Variants in ADCY2 observed in about 807,000 individuals in gnomAD.
ADCY2 encodes the protein adenylate cyclase 2, also known as adenylate cyclase type 2.
A neutral mutation model predicts 125.2 loss-of-function variants in ADCY2; 31 were observed. The observed-to-expected ratio is 0.25, with a 90% confidence interval of 0.19 to 0.33. ADCY2 has a LOEUF of 0.33. Ranked by LOEUF, ADCY2 falls within the 10% of genes least tolerant of loss-of-function variation. The pLI, the probability that ADCY2 is intolerant of heterozygous loss-of-function variation, is 1.00. For missense variants in ADCY2, 904 were observed against 1,418.2 expected (o/e 0.64, Z 5.82); for synonymous variants, 512 against 548.4 (o/e 0.93, Z 0.93).
intron 14 of ADCY2, among the ~76,000 whole-genome samples, chr5:7,737,453 T>G (rs1229600080): frequency 1.3e-5 from 2 of 152,172 alleles, no homozygotes; most frequent in African/African-American, 4.8e-5. Context: ...TGCAGGCCAT[T>G]CAGAAAATGG....
chr5:7,794,880 G>A (rs1333200048), intron 20 of ADCY2: 3 of 152,030 alleles, frequency 2.0e-5, no homozygotes, highest in African/African-American at 2.4e-5. Context: ...CTATCATCAA[G>A]GTTTCTGTCC....
intron 4 of ADCY2, among the ~76,000 whole-genome samples, chr5:7,653,551 T>C (rs920611219): frequency 6.6e-6 from 1 of 151,316 alleles, no homozygotes; most frequent in Non-Finnish European, 1.5e-5. Flanking sequence ...GAGCTTGTAG[T>C]GAGTGAGATC....
intron 15 of ADCY2, among the ~76,000 whole-genome samples, chr5:7,745,908 G>GA (rs544006081): frequency 5.0e-4 from 76 of 152,166 alleles, no homozygotes; most frequent in Non-Finnish European, 9.4e-4. Context: ...GCTGGGGGCA[G>GA]AAAAAAATAT....
chr5:7,558,754 G>T (rs1047021206), intron 3 of ADCY2, among the ~76,000 whole-genome samples: 1 of 152,096 alleles, frequency 6.6e-6, no homozygotes, highest in African/African-American at 2.4e-5. Flanking sequence ...TGAAATATTT[G>T]CCAGTTTCTA....
chr5:7,618,419 T>C (rs2126650802), intron 3 of ADCY2, among the ~76,000 whole-genome samples: 1 of 152,292 alleles, frequency 6.6e-6, no homozygotes, highest in African/African-American at 2.4e-5. Flanking sequence ...CTTCTCCTTG[T>C]ACCCACAAAA....
At chr5:7,536,330 A>AT in intron 3 of ADCY2, among the ~76,000 whole-genome samples, 1 of 151,700 alleles carries the variant, frequency 6.6e-6, no homozygotes, top group African/African-American at 2.4e-5. Context: ...TTTGGCCATT[A>AT]CAGTACTGGA....
rs1219855177 is a variant in ADCY2, at chr5:7,622,001, C to A, written c.571-4166C>A. ...TAAATAATTTATTTTCCTCCTAAGA[C>A]ATCTCTGGAGGCCAAGTTCCTCTCC... On this transcript the variant is annotated intron_variant, in intron 3 of 24. Coordinates refer to ENST00000338316, the MANE Select transcript of ADCY2 (RefSeq NM_020546.3). 2.0e-5 allele frequency among the ~76,000 whole-genome samples: 3 copies of A among 152,172 alleles called. No individual in the cohort carries two copies. In the East Asian group the frequency reaches 5.8e-4, roughly 29 times the overall value.
chr5:7,486,190 G>C (rs1027596165), intron 2 of ADCY2, among the ~76,000 whole-genome samples: 1 of 152,136 alleles, frequency 6.6e-6, no homozygotes. Context: ...CTTCATTATA[G>C]TGCTGTTGCA....
intron 4 of ADCY2, among the ~76,000 whole-genome samples, chr5:7,684,775 CTTT>C (rs10662818): frequency 5.0e-4 from 71 of 141,434 alleles, no homozygotes; most frequent in Admixed American, 8.4e-4. Flanking sequence ...TCTGTTGTGC[CTTT>C]TTTTTTTTTT....
intron 2 of ADCY2, among the ~76,000 whole-genome samples, chr5:7,458,172 A>G (rs1425005898): frequency 6.6e-6 from 1 of 152,206 alleles, no homozygotes; most frequent in African/African-American, 2.4e-5. Flanking sequence ...TGCTTACATT[A>G]TGACAGCATG....
At chr5:7,812,853 T>G (rs1368668513) in intron 22 of ADCY2, among the ~76,000 whole-genome samples, 1 of 152,028 alleles carries the variant, frequency 6.6e-6, no homozygotes, top group Non-Finnish European at 1.5e-5. Context: ...GAGGTTGCAG[T>G]GAGCCAAGAT....
At chr5:7,667,900 T>C (rs150517986) in intron 4 of ADCY2, among the ~76,000 whole-genome samples, 163 of 152,314 alleles carry the variant, frequency 1.1e-3, no homozygotes, top group African/African-American at 3.8e-3. Flanking sequence ...GTGTGACTTC[T>C]GTAGAACAAG....
intron 16 of ADCY2, among the ~76,000 whole-genome samples, chr5:7,763,266 ATTT>A (rs1236009707): frequency 1.3e-5 from 2 of 150,012 alleles, no homozygotes; most frequent in Admixed American, 6.6e-5. Flanking sequence ...AATTTTTTGT[ATTT>A]TTTAGTAGAG....
At chr5:7,783,358 T>C (rs1388258746) in intron 18 of ADCY2, among the ~76,000 whole-genome samples, 1 of 151,884 alleles carries the variant, frequency 6.6e-6, no homozygotes, top group African/African-American at 2.4e-5. Flanking sequence ...AGGGTAGGGG[T>C]TGGTACCCAC....
intron 3 of ADCY2, among the ~76,000 whole-genome samples, chr5:7,579,531 C>T (rs375807895): frequency 1.4e-4 from 21 of 152,144 alleles, no homozygotes; most frequent in African/African-American, 4.8e-4. Flanking sequence ...CCCAGGAGGA[C>T]GGATGAGAGG....
intron 3 of ADCY2, among the ~76,000 whole-genome samples, chr5:7,568,117 G>A (rs1303255411): frequency 6.6e-6 from 1 of 152,014 alleles, no homozygotes; most frequent in African/African-American, 2.4e-5. Flanking sequence ...TTGTTCATTT[G>A]GCACTCAATG....
chr5:7,432,949 A>T (rs923317902), intron 2 of ADCY2, among the ~76,000 whole-genome samples: 5 of 68,076 alleles, frequency 7.3e-5, no homozygotes, highest in Non-Finnish European at 1.3e-4. Context: ...TACATCAGTT[A>T]TACCTCAGTA....
chr5:7,708,670 A>G (rs375602760), intron 9 of ADCY2, among the ~76,000 whole-genome samples: 4 of 152,352 alleles, frequency 2.6e-5, no homozygotes, highest in African/African-American at 9.6e-5. Flanking sequence ...TACTTATGGT[A>G]GCATCTGGGA....
intron 1 of ADCY2, among the ~76,000 whole-genome samples, chr5:7,397,360 T>A (rs1739089310): frequency 6.6e-6 from 1 of 151,938 alleles, no homozygotes; most frequent in African/African-American, 2.4e-5. Context: ...CTGTTACTGA[T>A]CTCTGAGTGT....
Sources: gnomAD v4.1 joint callset for allele counts (sites outside exome capture counted in the v4.1 genomes callset) on GRCh38, gnomAD v4.1.1 for gene constraint, MANE v1.5 for transcripts, NCBI Gene and HGNC (gene_info 2026-07-23, HGNC 2026-07-21) for gene names.